Variants in TBL1X observed in about 807,000 individuals in gnomAD.
TBL1X encodes the protein transducin beta like 1 X-linked.
Under a neutral mutation model 50.7 loss-of-function variants are expected in TBL1X, and 10 were observed. That is an observed-to-expected ratio of 0.20 (90% CI 0.12 to 0.33). The LOEUF is 0.33. TBL1X is among the 10% of genes least tolerant of loss of function. The probability of loss-of-function intolerance (pLI) is 1.00; values close to 1 mark genes in which losing one functional copy is unlikely to be tolerated. For synonymous variants in TBL1X, 190 were observed against 214.7 expected, an observed-to-expected ratio of 0.88 and a Z score of 1.01; for missense variants, 340 against 504.4, an observed-to-expected ratio of 0.67 and a Z score of 3.12.
At chrX:9,513,362 G>C (rs1354388291) in intron 2 of TBL1X, among the ~76,000 whole-genome samples, 2 of 110,539 alleles carry the variant, frequency 1.8e-5, no homozygotes, top group Admixed American at 9.7e-5. Flanking sequence ...TACTCCAGTG[G>C]GGGGGTGCAG....
intron 5 of TBL1X, among the ~76,000 whole-genome samples, chrX:9,659,813 G>A (rs1469918900): frequency 3.6e-5 from 4 of 112,187 alleles, no homozygotes; most frequent in Admixed American, 9.4e-5. Flanking sequence ...GTAAAGGGAC[G>A]TTAGCTCTGG....
chrX:9,539,039 A>T (rs1308620497), intron 2 of TBL1X, among the ~76,000 whole-genome samples: 1 of 112,251 alleles, frequency 8.9e-6, no homozygotes, highest in Non-Finnish European at 1.9e-5. Flanking sequence ...TCTGATGGGG[A>T]GATACTGAGA....
intron 1 of TBL1X, among the ~76,000 whole-genome samples, chrX:9,497,201 G>C (rs1348217258): frequency 9.1e-6 from 1 of 110,279 alleles, no homozygotes; most frequent in Non-Finnish European, 1.9e-5. Context: ...TTGAGCCCAG[G>C]GGTTTGAGAC....
intron 2 of TBL1X, among the ~76,000 whole-genome samples, chrX:9,547,534 G>C (rs2082250827): frequency 1.8e-5 from 2 of 110,311 alleles, no homozygotes; most frequent in Admixed American, 1.9e-4. Context: ...TGGCCAGGCT[G>C]GTCTCAAACT....
chrX:9,509,170 A>G (rs188455074), intron 2 of TBL1X, among the ~76,000 whole-genome samples: 406 of 107,305 alleles, frequency 3.8e-3, no homozygotes, highest in African/African-American at 0.013. Flanking sequence ...GACGGATCAC[A>G]AGGTCAGGAG....
intron 2 of TBL1X, among the ~76,000 whole-genome samples, chrX:9,554,494 G>C (rs1052675732): frequency 9.8e-5 from 11 of 112,074 alleles, no homozygotes; most frequent in African/African-American, 3.6e-4. Flanking sequence ...GAATTAGAAA[G>C]CCATTTGTAT....
chrX:9,523,665 C>T (rs146852681), intron 2 of TBL1X, among the ~76,000 whole-genome samples: 32 of 112,423 alleles, frequency 2.8e-4, no homozygotes, highest in South Asian at 1.1e-3. Flanking sequence ...CCACCCTTGA[C>T]GGGAAATAAG....
intron 12 of TBL1X, among the ~76,000 whole-genome samples, chrX:9,699,041 T>C (rs1240726719): frequency 3.6e-5 from 4 of 111,755 alleles, no homozygotes; most frequent in African/African-American, 9.8e-5. Flanking sequence ...AGTGCAGTGG[T>C]GCGATCTCAG....
intron 2 of TBL1X, among the ~76,000 whole-genome samples, chrX:9,602,979 A>G (rs1199665196): frequency 8.9e-6 from 1 of 112,659 alleles, no homozygotes; most frequent in Non-Finnish European, 1.9e-5. Context: ...AAATCATTGA[A>G]TGATACATTG....
intron 2 of TBL1X, among the ~76,000 whole-genome samples, chrX:9,560,892 G>C (rs2082321909): frequency 8.9e-6 from 1 of 111,873 alleles, no homozygotes; most frequent in Non-Finnish European, 1.9e-5. Context: ...CACCCAAAGT[G>C]AAATACGCAA....
At chrX:9,574,277 C>T (rs761672011) in intron 2 of TBL1X, among the ~76,000 whole-genome samples, 13 of 108,034 alleles carry the variant, frequency 1.2e-4, no homozygotes, top group Non-Finnish European at 1.1e-4. Context: ...CCTGTCTCCA[C>T]CAAAACAAAA....
At chrX:9,625,225 T>C (rs2082686550) in intron 2 of TBL1X, among the ~76,000 whole-genome samples, 1 of 112,532 alleles carries the variant, frequency 8.9e-6, no homozygotes, top group Non-Finnish European at 1.9e-5. Flanking sequence ...GCTTTTAAGG[T>C]CTGAGAATAT....
At chrX:9,608,746 G>A (rs1426871090) in intron 2 of TBL1X, among the ~76,000 whole-genome samples, 2 of 111,987 alleles carry the variant, frequency 1.8e-5, no homozygotes, top group African/African-American at 3.2e-5. Context: ...ATTACTTTTC[G>A]TAAATGCAAT....
At chrX:9,649,202 T>C (rs761772937) in intron 3 of TBL1X, among the ~76,000 whole-genome samples, 4 of 112,367 alleles carry the variant, frequency 3.6e-5, no homozygotes, top group Non-Finnish European at 5.6e-5. Context: ...TCTAAGAATA[T>C]ATATGTAGAT....
At chrX:9,687,517 G>A (rs1037207027) in intron 6 of TBL1X, among the ~76,000 whole-genome samples, 3 of 111,176 alleles carry the variant, frequency 2.7e-5, no homozygotes, top group Non-Finnish European at 5.7e-5. Flanking sequence ...TTGGGGCTGC[G>A]TGTTTCTCTG....
intron 5 of TBL1X, among the ~76,000 whole-genome samples, chrX:9,665,400 G>C (rs1036136520): frequency 1.1e-5 from 1 of 93,996 alleles, no homozygotes; most frequent in African/African-American, 3.9e-5. Context: ...ATCTGACATG[G>C]CTGACTCCAT....
In TBL1X at chrX:9,697,453, G is replaced by GT. The variant is rs780519200; in HGVS notation, c.1114+26dup. 1.7e-5 allele frequency: 21 copies of GT among 1,206,787 alleles called. No homozygotes were observed. In the South Asian group the frequency reaches 3.2e-4, roughly 18 times the overall value. ...AGGTGAGTTTTTTGTTGTTGTTGTT[G>GT]TTGTTTGTTTTTTTGTAATTCAAAA... On this transcript the variant is annotated intron_variant, in intron 12 of 17. Transcript: ENST00000645353.
chrX:9,463,489 C>T (rs1338698277), upstream of TBL1X: 1 of 111,975 alleles, frequency 8.9e-6, no homozygotes, highest in African/African-American at 3.3e-5. Flanking sequence ...TTATTGATGT[C>T]CTCTAATGAT....
rs1005537653 is a variant in TBL1X, at chrX:9,594,821, G to A, written c.-130-45452G>A. ...AGAGAAAACTCTCCTTAGAATCAGT[G>A]GGTAGTCCTGACTTGAATGGGTTTA... On this transcript the variant is annotated intron_variant, in intron 2 of 17. Transcript: ENST00000645353. 2.7e-5 allele frequency among the ~76,000 whole-genome samples: 3 copies of A among 111,749 alleles called. No homozygotes were observed. The Admixed American group carries it at 2.8e-4, about 11-fold the overall frequency.
Sources: allele counts gnomAD v4.1 joint callset (sites outside exome capture counted in the v4.1 genomes callset), GRCh38; gene constraint gnomAD v4.1.1; transcripts MANE v1.5; gene names NCBI Gene and HGNC (gene_info 2026-07-23, HGNC 2026-07-21).